The following NRCAM variants were observed in gnomAD, a reference collection of about 807,000 sequenced individuals.
NRCAM encodes the protein NgCAM-related cell adhesion molecule.
In NRCAM, 83 loss-of-function variants were observed where a neutral mutation model predicts 156.5. That is an observed-to-expected ratio of 0.53 (90% confidence interval 0.44 to 0.64). The LOEUF (loss-of-function observed/expected upper bound fraction) is 0.64, where lower values mean the gene tolerates loss of function less well. Among genes scored for constraint, NRCAM ranks in the 30% least tolerant of loss-of-function variants. The pLI, the probability that NRCAM is intolerant of heterozygous loss-of-function variation, is 0.00. For missense variants in NRCAM, 1,417 were observed against 1,597.3 expected, an observed-to-expected ratio of 0.89 and a Z score of 1.92; for synonymous variants, 538 against 563.9, an observed-to-expected ratio of 0.95 and a Z score of 0.65.
At chr7:108,210,492 C>T (rs1032335156) in intron 11 of NRCAM, among the ~76,000 whole-genome samples, 5 of 152,130 alleles carry the variant, frequency 3.3e-5, no homozygotes, top group Admixed American at 6.5e-5. Context: ...GTGATCCACC[C>T]GCCTCAGCCT....
intron 2 of NRCAM, among the ~76,000 whole-genome samples, chr7:108,361,672 A>T (rs2099552166): frequency 6.6e-6 from 1 of 152,138 alleles, no homozygotes; most frequent in African/African-American, 2.4e-5. Flanking sequence ...GAACTAAATC[A>T]TTAGCTCTCC....
At chr7:108,262,964 C>A (rs1235667929) in intron 3 of NRCAM, among the ~76,000 whole-genome samples, 2 of 152,224 alleles carry the variant, frequency 1.3e-5, no homozygotes, top group East Asian at 3.8e-4. Context: ...GCAGAAGCTA[C>A]CACGTGGAGA....
At chr7:108,345,516 T>C (rs527881191) in intron 2 of NRCAM, among the ~76,000 whole-genome samples, 1 of 152,326 alleles carries the variant, frequency 6.6e-6, no homozygotes, top group East Asian at 1.9e-4. Flanking sequence ...CCCACATTCA[T>C]ATAGTGAAAC....
At chr7:108,243,166 C>T (rs1268199824) in intron 3 of NRCAM, 1 of 152,142 alleles carries the variant, frequency 6.6e-6, no homozygotes, top group African/African-American at 2.4e-5. Context: ...CACAAATCGT[C>T]TCTAGTGTAG....
chr7:108,381,508 T>A (rs1439197348), intron 2 of NRCAM, among the ~76,000 whole-genome samples: 2 of 151,984 alleles, frequency 1.3e-5, no homozygotes, highest in Non-Finnish European at 2.9e-5. Context: ...TAAGGGCTAG[T>A]AAAGAGTTGC....
At chr7:108,211,229 C>A (rs1292561866) in intron 11 of NRCAM, among the ~76,000 whole-genome samples, 1 of 152,130 alleles carries the variant, frequency 6.6e-6, no homozygotes, top group East Asian at 1.9e-4. Context: ...GCAGGAAAGG[C>A]CTTGGGAGCT....
chr7:108,396,088 C>A (rs1475208835), intron 2 of NRCAM, among the ~76,000 whole-genome samples: 2 of 152,178 alleles, frequency 1.3e-5, no homozygotes, highest in Admixed American at 6.5e-5. Context: ...ACCAGTTCCA[C>A]AAACCAAGGG....
chr7:108,303,834 C>G (rs1438963606), intron 3 of NRCAM, among the ~76,000 whole-genome samples: 1 of 152,090 alleles, frequency 6.6e-6, no homozygotes, highest in Non-Finnish European at 1.5e-5. Context: ...CTACATTTAC[C>G]TTTATATCAC....
At chr7:108,383,123 C>T (rs2099708969) in intron 2 of NRCAM, among the ~76,000 whole-genome samples, 2 of 130,520 alleles carry the variant, frequency 1.5e-5, no homozygotes, top group Admixed American at 1.7e-4. Context: ...TCACACCACA[C>T]ACACACACAC....
intron 2 of NRCAM, among the ~76,000 whole-genome samples, chr7:108,339,987 T>A (rs2099257010): frequency 6.6e-6 from 1 of 152,164 alleles, no homozygotes; most frequent in Admixed American, 6.5e-5. Context: ...TATAACACTA[T>A]CTTACAGCTA....
Position 108,203,003 on chromosome 7 carries a change from A to G in NRCAM, c.1207+4525T>C, listed in dbSNP as rs1271562574. Among the ~76,000 whole-genome samples the G allele has an allele frequency of 3.3e-5, 5 of 152,178 alleles. No individual in the cohort carries two copies. The East Asian group carries it at 7.7e-4, about 23-fold the overall frequency. On this transcript the variant is annotated intron_variant, in intron 13 of 32. Transcript: ENST00000379028. ...AGTGGCCACAGCCTTGGGCACCACC[A>G]CCAGAATGGCACAGGCTCTCCAGTG...
chr7:108,410,967 G>T (rs965206747), intron 1 of NRCAM, among the ~76,000 whole-genome samples: 1 of 151,898 alleles, frequency 6.6e-6, no homozygotes, highest in Admixed American at 6.6e-5. Context: ...ACAAAATCAA[G>T]CACAAAATTT....
chr7:108,308,896 G>A (rs753312175), intron 3 of NRCAM, among the ~76,000 whole-genome samples: 8 of 152,132 alleles, frequency 5.3e-5, no homozygotes, highest in East Asian at 1.9e-4. Flanking sequence ...TCTCAATCAC[G>A]GATGTGAATA....
At chr7:108,432,854 C>A (rs1485792171) in intron 1 of NRCAM, among the ~76,000 whole-genome samples, 2 of 151,602 alleles carry the variant, frequency 1.3e-5, no homozygotes, top group African/African-American at 4.9e-5. Context: ...GTAAGCACCA[C>A]TGCACTCCAG....
intron 2 of NRCAM, among the ~76,000 whole-genome samples, chr7:108,320,650 T>C (rs1416334770): frequency 6.6e-6 from 1 of 152,238 alleles, no homozygotes; most frequent in African/African-American, 2.4e-5. Context: ...TATTTAGGCA[T>C]GTTTCATTGA....
At chr7:108,233,224 A>G (rs2094525984) in intron 6 of NRCAM, among the ~76,000 whole-genome samples, 1 of 152,188 alleles carries the variant, frequency 6.6e-6, no homozygotes, top group African/African-American at 2.4e-5. Context: ...GTAATTAAAT[A>G]CTTTACAACT....
chr7:108,397,246 G>T (rs2099779355), intron 2 of NRCAM, among the ~76,000 whole-genome samples: 1 of 152,116 alleles, frequency 6.6e-6, no homozygotes, highest in Admixed American at 6.6e-5. Flanking sequence ...CAGATTCGTG[G>T]ACCTTTAAAG....
chr7:108,353,452 T>C (rs1182796292), intron 2 of NRCAM, among the ~76,000 whole-genome samples: 1 of 151,826 alleles, frequency 6.6e-6, no homozygotes, highest in African/African-American at 2.4e-5. Flanking sequence ...CTGGAGTAGT[T>C]AGAGCTACAG....
In NRCAM at chr7:108,226,294, G is replaced by A; in HGVS notation, c.635C>T (p.Thr212Ile). 6.2e-7 allele frequency: 1 copy of A among 1,601,772 alleles called. No individual in the cohort carries two copies. Among genetic ancestry groups the A allele is most frequent in the Non-Finnish European group, 8.6e-7 (1 of 1,169,232 alleles). ...AGCATAACAGATATAGTCTTCGCGG[G>A]TGTCCTCTGGGAGGACATTGGAAAA... ...LYFSNVLPED[T>I]REDYICYARF... The change falls in exon 9 of 33, where the codon ACC (threonine) becomes ATC (isoleucine). Residue 212 changes from threonine to isoleucine, a missense_variant. By Grantham distance (89) the Thr-to-Ile change is moderately conservative (BLOSUM62 -1). Coordinates refer to ENST00000379028, the MANE Select transcript of NRCAM (RefSeq NM_001037132.4).
Sources: gnomAD v4.1 joint callset for allele counts (sites outside exome capture counted in the v4.1 genomes callset) on GRCh38, gnomAD v4.1.1 for gene constraint, MANE v1.5 for transcripts, NCBI Gene and HGNC (gene_info 2026-07-23, HGNC 2026-07-21) for gene names.